Variants in NTRK3 observed in about 807,000 individuals in gnomAD.
NTRK3 encodes the protein NT-3 growth factor receptor.
Under a neutral mutation model 91.7 loss-of-function variants are expected in NTRK3, and 24 were observed. The ratio of observed to expected loss-of-function variants is 0.26; its 90% CI spans 0.19 to 0.37. The LOEUF (loss-of-function observed/expected upper bound fraction) is 0.37, where lower values mean the gene tolerates loss of function less well. Among genes scored for constraint, NTRK3 ranks in the 10% least tolerant of loss-of-function variants. NTRK3 has a pLI of 1.00. For missense variants in NTRK3, 880 were observed against 1,068.9 expected, an observed-to-expected ratio of 0.82 and a Z score of 2.46; for synonymous variants, 483 against 404.0, an observed-to-expected ratio of 1.20 and a Z score of -2.34.
At chr15:88,048,137 T>C (rs570356341) in intron 13 of NTRK3, among the ~76,000 whole-genome samples, 2 of 152,300 alleles carry the variant, frequency 1.3e-5, no homozygotes, top group South Asian at 2.1e-4. Flanking sequence ...CTCTTCTCCC[T>C]CTGTTCACTT....
chr15:88,164,729 T>G (rs1386373895), intron 5 of NTRK3, among the ~76,000 whole-genome samples: 2 of 152,100 alleles, frequency 1.3e-5, no homozygotes, highest in East Asian at 3.9e-4. Context: ...AAAACATCTC[T>G]TTTCTCCTTT....
At chr15:88,165,232 G>C (rs2044824049) in intron 5 of NTRK3, among the ~76,000 whole-genome samples, 1 of 152,196 alleles carries the variant, frequency 6.6e-6, no homozygotes, top group Non-Finnish European at 1.5e-5. Context: ...CTTGTGAACT[G>C]TGTTTCTGCT....
chr15:88,111,723 G>A (rs1176001412), intron 13 of NTRK3, among the ~76,000 whole-genome samples: 3 of 152,158 alleles, frequency 2.0e-5, no homozygotes, highest in Non-Finnish European at 4.4e-5. Context: ...AGCAGGGTCT[G>A]TGAATCTCAG....
Position 88,255,857 on chromosome 15 carries a change from A to T in NTRK3, c.248+49T>A, listed in dbSNP as rs758370858. 6.4e-7 allele frequency: 1 copy of T among 1,550,496 alleles called. No individual in the cohort carries two copies. The highest frequency in any genetic ancestry group is 8.8e-7 in the Non-Finnish European group (1 of 1,140,808). ...TCCCGGCCGCGGGTGGGCAGGAGGG[A>T]GACGCAGAGCGCGGGGGAGGCAGGC... On this transcript the variant is annotated intron_variant, in intron 3 of 18. Coordinates refer to ENST00000394480, the Ensembl canonical transcript of NTRK3. The surrounding 1 kb of genome is among the most constrained non-coding windows in gnomAD (Gnocchi z 4.3).
rs192529270 is a variant in NTRK3 at position 88,030,267 on chromosome 15, A to C, written c.1585+2590T>G. 1.4e-4 allele frequency among the ~76,000 whole-genome samples: 21 copies of C among 152,292 alleles called. No homozygotes were observed. In the East Asian group the frequency reaches 2.9e-3, roughly 21 times the overall value. On this transcript the variant is annotated intron_variant, in intron 14 of 18. Coordinates refer to ENST00000394480, the Ensembl canonical transcript of NTRK3. ...TGGATCCTGAGAATAGCCACTTTGA[A>C]TCACAAATCTAGAGGGCTCTAGAAG...
At chr15:87,872,352 C>G (rs540071146) in exon 19 of NTRK3, 1 of 223,886 alleles carries the variant, frequency 4.5e-6, no homozygotes, top group East Asian at 6.5e-5. Context: ...AGTCATTAGT[C>G]ATTCCTGAAT....
chr15:88,115,195 T>C (rs1183629406), intron 13 of NTRK3, among the ~76,000 whole-genome samples: 1 of 152,232 alleles, frequency 6.6e-6, no homozygotes, highest in Non-Finnish European at 1.5e-5. Context: ...AGCTCTTGGA[T>C]GGCCCCTGAT....
At chr15:88,060,528 G>T (rs528534229) in intron 13 of NTRK3, among the ~76,000 whole-genome samples, 2 of 152,208 alleles carry the variant, frequency 1.3e-5, no homozygotes, top group South Asian at 2.1e-4. Context: ...CGTGACTGAG[G>T]GGAAGTGACC....
chr15:87,912,934 ATATATATATATATATAT>A (rs2067196393), intron 17 of NTRK3, among the ~76,000 whole-genome samples: 2 of 21,736 alleles, frequency 9.2e-5, no homozygotes, highest in Admixed American at 3.8e-4. Context: ...AAAAAAAAAT[ATATATATATATATATAT>A]ATATATATAT....
At chr15:88,176,852 T>C (rs1452303712) in intron 5 of NTRK3, among the ~76,000 whole-genome samples, 6 of 152,164 alleles carry the variant, frequency 3.9e-5, no homozygotes, top group Admixed American at 3.3e-4. Flanking sequence ...AGATGATCAA[T>C]AGTAATAAAG....
intron 5 of NTRK3, among the ~76,000 whole-genome samples, chr15:88,154,752 G>T (rs941683042): frequency 1.3e-5 from 2 of 152,136 alleles, no homozygotes; most frequent in African/African-American, 4.8e-5. Context: ...TCTGCAATAT[G>T]TTCATGGGTA....
chr15:87,934,131 C>T (rs572288058), intron 15 of NTRK3, among the ~76,000 whole-genome samples: 2 of 152,272 alleles, frequency 1.3e-5, no homozygotes, highest in East Asian at 1.9e-4. Context: ...CTGCCATGGG[C>T]CCAGCAATGC....
chr15:88,135,033 A>G lies in NTRK3; in HGVS notation c.1204+68T>C, dbSNP rs542847174. Reference sequence around the variant, plus strand: ...CTGATGCTGCTTCTCCTCTCAAGCTACCATGCCCCATCTCCCAAGCTTGTA... The same window carrying G: ...CTGATGCTGCTTCTCCTCTCAAGCTGCCATGCCCCATCTCCCAAGCTTGTA... On this transcript the variant is annotated intron_variant, in intron 10 of 18. Transcript: ENST00000394480. The G allele has an allele frequency of 2.6e-6, 4 of 1,567,144 alleles. No individual in the cohort carries two copies. In the East Asian group the frequency reaches 6.7e-5, roughly 26 times the overall value.
intron 17 of NTRK3, among the ~76,000 whole-genome samples, chr15:87,888,796 A>G (rs2065690874): frequency 6.6e-6 from 1 of 152,112 alleles, no homozygotes; most frequent in Admixed American, 6.6e-5. Flanking sequence ...TAAAATTCAA[A>G]TTTAGCAAGG....
At chr15:88,205,238 G>A (rs185416843) in intron 3 of NTRK3, among the ~76,000 whole-genome samples, 1 of 152,292 alleles carries the variant, frequency 6.6e-6, no homozygotes, top group East Asian at 1.9e-4. Context: ...ATGCCTTAGT[G>A]TCCGTGTGGG....
chr15:88,003,509 G>C (rs2076261481), intron 14 of NTRK3, among the ~76,000 whole-genome samples: 1 of 152,126 alleles, frequency 6.6e-6, no homozygotes, highest in Admixed American at 6.6e-5. Context: ...TAATTTTACT[G>C]GTGAAAGAAC....
At chr15:87,892,320 A>C (rs558250972) in intron 17 of NTRK3, among the ~76,000 whole-genome samples, 1 of 152,324 alleles carries the variant, frequency 6.6e-6, no homozygotes, top group South Asian at 2.1e-4. Flanking sequence ...GGACAAACTT[A>C]AAAGAATTAT....
At chr15:88,042,122 T>C (rs1007750692) in intron 13 of NTRK3, among the ~76,000 whole-genome samples, 18 of 152,176 alleles carry the variant, frequency 1.2e-4, no homozygotes, top group African/African-American at 3.9e-4. Context: ...AACACTGACA[T>C]GTCCCTGGTG....
intron 3 of NTRK3, among the ~76,000 whole-genome samples, chr15:88,242,195 C>G (rs1259303689): frequency 6.6e-6 from 1 of 152,164 alleles, no homozygotes; most frequent in Non-Finnish European, 1.5e-5. Context: ...TACCCACAGC[C>G]CAAATCTTCA....
Sources: allele counts gnomAD v4.1 joint callset (sites outside exome capture counted in the v4.1 genomes callset), GRCh38; gene constraint gnomAD v4.1.1; non-coding constraint Gnocchi (gnomAD v3.1); transcripts MANE v1.5; gene names NCBI Gene and HGNC (gene_info 2026-07-23, HGNC 2026-07-21).